MERTK: variants seen among roughly 807,000 people sequenced by gnomAD.
The protein encoded by MERTK is tyrosine-protein kinase Mer.
In MERTK, 69 loss-of-function variants were observed where a neutral mutation model predicts 99.3. The observed-to-expected ratio is 0.70, with a 90% CI of 0.57 to 0.85. The LOEUF is 0.85. MERTK is among the 40% of genes least tolerant of loss of function. The pLI, the probability that MERTK is intolerant of heterozygous loss-of-function variation, is 0.00. For synonymous variants in MERTK, 426 were observed against 467.6 expected, an observed-to-expected ratio of 0.91 and a Z score of 1.15; for missense variants, 1,125 against 1,249.4, an observed-to-expected ratio of 0.90 and a Z score of 1.50.
At chr2:112,006,356 A>G (rs1242664216) in intron 13 of MERTK, among the ~76,000 whole-genome samples, 1 of 152,176 alleles carries the variant, frequency 6.6e-6, no homozygotes. Flanking sequence ...GAGAAAATGA[A>G]CATAACTAAA....
intron 1 of MERTK, among the ~76,000 whole-genome samples, chr2:111,911,398 C>CT (rs959139166): frequency 2.4e-4 from 37 of 151,218 alleles, no homozygotes; most frequent in African/African-American, 6.8e-4. Context: ...TGTTTTCTTT[C>CT]TTTTTTTTGA....
intron 2 of MERTK, among the ~76,000 whole-genome samples, chr2:111,936,703 G>A (rs1421740547): frequency 6.6e-6 from 1 of 152,132 alleles, no homozygotes; most frequent in African/African-American, 2.4e-5. Flanking sequence ...GAGTCAGTGG[G>A]CTGGGCCTCC....
intron 4 of MERTK, among the ~76,000 whole-genome samples, chr2:111,960,495 A>G (rs1339635931): frequency 6.7e-6 from 1 of 150,284 alleles, no homozygotes; most frequent in Non-Finnish European, 1.5e-5. Flanking sequence ...AAAAAAAAAA[A>G]AAAAAAGAAA....
chr2:111,988,080 C>T (rs1676525659), intron 8 of MERTK, among the ~76,000 whole-genome samples: 1 of 151,614 alleles, frequency 6.6e-6, no homozygotes, highest in Non-Finnish European at 1.5e-5. Flanking sequence ...ACATCTGCCT[C>T]CCAGAGAACC....
intron 2 of MERTK, among the ~76,000 whole-genome samples, chr2:111,929,827 C>T (rs1298677573): frequency 6.6e-6 from 1 of 151,382 alleles, no homozygotes; most frequent in East Asian, 1.9e-4. Context: ...TCTCAAACTC[C>T]TGACCTTGGG....
chr2:111,929,333 C>T lies in MERTK; in HGVS notation c.275C>T (p.Pro92Leu), dbSNP rs200985967. ...ACCTCTGTCGAATCAAAGCCCCTACCGCCTCTTGCCTTCAAACACACAGTT... is the reference window on the plus strand; with the variant it reads ...ACCTCTGTCGAATCAAAGCCCCTACTGCCTCTTGCCTTCAAACACACAGTT... ...QVTSVESKPLPPLAFKHTVGH... is the reference protein window; with the variant it reads ...QVTSVESKPLLPLAFKHTVGH... The change falls in exon 2 of 19, where the codon CCG (proline) becomes CTG (leucine). Residue 92 changes from proline (P) to leucine (L), a missense_variant. Pro to Leu is a moderately conservative substitution (Grantham distance 98). Coordinates refer to ENST00000295408, the MANE Select transcript of MERTK (RefSeq NM_006343.3). 113 of 1,614,180 alleles carry T rather than the reference C, an allele frequency of 7.0e-5. No homozygotes were observed. The highest frequency in any genetic ancestry group is 4.1e-4 in the South Asian group (37 of 91,082).
chr2:111,935,142 C>G (rs1422895391), intron 2 of MERTK, among the ~76,000 whole-genome samples: 2 of 152,142 alleles, frequency 1.3e-5, no homozygotes, highest in African/African-American at 4.8e-5. Context: ...TTGTAAAAAT[C>G]AATACACATA....
At chr2:111,969,230 T>C (rs1345325258) in intron 6 of MERTK, among the ~76,000 whole-genome samples, 1 of 152,186 alleles carries the variant, frequency 6.6e-6, no homozygotes, top group East Asian at 1.9e-4. Flanking sequence ...TAACACACGC[T>C]GCACTGCAGG....
chr2:111,996,942 A>T (rs1246369434), intron 9 of MERTK: 1 of 267,128 alleles, frequency 3.7e-6, no homozygotes, highest in Non-Finnish European at 7.4e-6. Context: ...CATGTTTCTA[A>T]CATTTTAAAC....
chr2:111,929,587 T>C, intron 2 of MERTK, 47 bp downstream of exon 2: 1 of 1,265,274 alleles, frequency 7.9e-7, no homozygotes, highest in Non-Finnish European at 1.1e-6. Flanking sequence ...TTAATATTTA[T>C]TTATTTATTT....
intron 1 of MERTK, among the ~76,000 whole-genome samples, chr2:111,924,167 A>G (rs886404418): frequency 5.9e-5 from 9 of 152,206 alleles, no homozygotes; most frequent in African/African-American, 2.2e-4. Flanking sequence ...ACCATGGAAG[A>G]TTTTTACTAA....
rs1188661391 is a variant in MERTK, at chr2:112,007,457, A to G, written c.1868-926A>G. 1.3e-5 allele frequency among the ~76,000 whole-genome samples: 2 copies of G among 152,116 alleles called. 1 individual carries two copies. The highest frequency in any genetic ancestry group is 6.3e-3 in the Middle Eastern group (2 of 316). ...GCGTGAGCCACTGCGCCCAGCCCCA[A>G]GACTTTTCATCTTGCAAAACTGAAC... On this transcript the variant is annotated intron_variant, in intron 13 of 18. Transcript: ENST00000295408.
intron 1 of MERTK, among the ~76,000 whole-genome samples, chr2:111,918,896 G>A (rs1010786598): frequency 2.0e-5 from 3 of 152,202 alleles, no homozygotes; most frequent in Admixed American, 1.3e-4. Context: ...TGTTTTGGGA[G>A]TGGCATGATG....
At chr2:112,013,368 T>A (rs1362933874) in intron 15 of MERTK, 1 of 154,308 alleles carries the variant, frequency 6.5e-6, no homozygotes, top group Non-Finnish European at 1.5e-5. Flanking sequence ...AGGAAGTCTG[T>A]AAAAGGATAA....
At chr2:111,925,292 A>ATATTTTTTTT (rs372747015) in intron 1 of MERTK, among the ~76,000 whole-genome samples, 1 of 24,498 alleles carries the variant, frequency 4.1e-5, no homozygotes, top group Non-Finnish European at 7.3e-5. Flanking sequence ...ATATATATAT[A>ATATTTTTTTT]TTTTTTTTTT....
chr2:111,899,388 C>T (rs1048157678), intron 1 of MERTK, among the ~76,000 whole-genome samples: 10 of 152,190 alleles, frequency 6.6e-5, no homozygotes, highest in African/African-American at 2.2e-4. Flanking sequence ...TTATTAGTAT[C>T]CCTTTTTAGG....
Position 112,028,988 on chromosome 2 carries a change from C to G in MERTK, c.*124C>G. ...AGTGAACTCCATGGCCCCAAAGCAC[C>G]AGATGAATGTTGTTAAGTAAGCTGT... On this transcript the variant is annotated 3_prime_UTR_variant, in exon 19 of 19. Coordinates refer to ENST00000295408, the MANE Select transcript of MERTK (RefSeq NM_006343.3). 6.3e-7 allele frequency: 1 copy of G among 1,575,706 alleles called. No individual in the cohort carries two copies. The highest frequency in any genetic ancestry group is 1.3e-5 in the African/African-American group (1 of 74,332).
In MERTK at chr2:112,029,120, T is replaced by C. The variant is rs1573654497; in HGVS notation, c.*256T>C. The C allele has an allele frequency of 6.1e-6, 7 of 1,151,568 alleles. No individual in the cohort carries two copies. Among genetic ancestry groups the C allele is most frequent in the Non-Finnish European group, 1.1e-6 (1 of 928,988 alleles). 71.3% of individuals were successfully genotyped at this position (1,151,568 alleles called of 1,614,324 possible). A position where few individuals can be genotyped will look rare whatever the true frequency, so the allele number is the denominator to read the frequency against. The stretch of plus-strand genomic sequence containing the variant: ...AACATTACTTATTTCATTTCACTTA[T>C]CTTGCATATCTTAAAATTAAGCTTC... On this transcript the variant is annotated 3_prime_UTR_variant, in exon 19 of 19. Transcript: ENST00000295408.
At chr2:111,978,062 C>T (rs1457904099) in intron 7 of MERTK, among the ~76,000 whole-genome samples, 4 of 151,956 alleles carry the variant, frequency 2.6e-5, no homozygotes, top group East Asian at 1.9e-4. Flanking sequence ...CCTTCACCTT[C>T]GCCTTCTGTG....
Sources: allele counts gnomAD v4.1 joint callset (sites outside exome capture counted in the v4.1 genomes callset), GRCh38; gene constraint gnomAD v4.1.1; transcripts MANE v1.5; gene names NCBI Gene and HGNC (gene_info 2026-07-23, HGNC 2026-07-21).